Variants in DOP1B observed in about 807,000 individuals in gnomAD.
DOP1B encodes DOP1 leucine zipper like protein B.
A neutral mutation model predicts 233.5 loss-of-function variants in DOP1B; 174 were observed. The ratio of observed to expected loss-of-function variants is 0.75; its 90% CI spans 0.66 to 0.85. The LOEUF (loss-of-function observed/expected upper bound fraction) is 0.85. Ranked by LOEUF, DOP1B falls within the 40% of genes least tolerant of loss-of-function variation. The pLI is 0.00. For missense variants in DOP1B, 2,652 were observed against 2,846.6 expected, an observed-to-expected ratio of 0.93 and a Z score of 1.56; for synonymous variants, 1,190 against 1,185.6, an observed-to-expected ratio of 1.00 and a Z score of -0.08.
intron 2 of DOP1B, among the ~76,000 whole-genome samples, chr21:36,187,995 A>G (rs773988378): frequency 3.3e-5 from 5 of 152,116 alleles, no homozygotes; most frequent in Admixed American, 6.5e-5. Flanking sequence ...TGGTAATTTT[A>G]AGAAAATTTT....
chr21:36,183,941 G>A (rs1362159574), intron 2 of DOP1B, among the ~76,000 whole-genome samples: 1 of 151,324 alleles, frequency 6.6e-6, no homozygotes, highest in African/African-American at 2.4e-5. Flanking sequence ...TCAACTCACT[G>A]CAACCTCTGC....
Position 36,170,857 on chromosome 21 carries a change from C to G in DOP1B, c.138+5986C>G, listed in dbSNP as rs552419614. Among the ~76,000 whole-genome samples the G allele has an allele frequency of 2.6e-5, 4 of 151,692 alleles. No individual in the cohort carries two copies. The East Asian group carries it at 7.7e-4, about 29-fold the overall frequency. Reference sequence around the variant, plus strand: ...GAGTTGTTACCTGAGGATTCCCATCCCAAGGGTCTCCTCTTGGATCTCATT... The same window carrying G: ...GAGTTGTTACCTGAGGATTCCCATCGCAAGGGTCTCCTCTTGGATCTCATT... On this transcript the variant is annotated intron_variant, in intron 2 of 36. Coordinates refer to ENST00000691173, the MANE Select transcript of DOP1B (RefSeq NM_001320714.2).
intron 1 of DOP1B, among the ~76,000 whole-genome samples, chr21:36,162,062 A>G (rs1375193419): frequency 6.6e-6 from 1 of 152,202 alleles, no homozygotes; most frequent in Non-Finnish European, 1.5e-5. Context: ...GTTATAAGTG[A>G]CAGTAGTGTA....
intron 27 of DOP1B, among the ~76,000 whole-genome samples, chr21:36,275,834 C>A (rs2067343776): frequency 6.6e-6 from 1 of 152,108 alleles, no homozygotes. Flanking sequence ...TAGGTGAGTC[C>A]TTCCGAGGGA....
chr21:36,193,104 A>G (rs1278267314), intron 2 of DOP1B, among the ~76,000 whole-genome samples: 2 of 152,232 alleles, frequency 1.3e-5, no homozygotes, highest in Non-Finnish European at 2.9e-5. Flanking sequence ...GGGCATTAGC[A>G]ATTGTAAAGA....
Position 36,203,439 on chromosome 21 carries a change from G to T in DOP1B, c.491+2938G>T, listed in dbSNP as rs1049959973. ...CTTGGGTAGCCAGGTGTGGTGACAG[G>T]CACCTGTAATCCCAGCTATTTGGAA... On this transcript the variant is annotated intron_variant, in intron 4 of 36. Coordinates refer to ENST00000691173, the MANE Select transcript of DOP1B (RefSeq NM_001320714.2). Among the ~76,000 whole-genome samples, 14 of 152,234 alleles carry T rather than the reference G, an allele frequency of 9.2e-5. No homozygotes were observed. The East Asian group carries it at 1.9e-3, about 21-fold the overall frequency.
intron 23 of DOP1B, among the ~76,000 whole-genome samples, chr21:36,256,649 T>C (rs1383128864): frequency 6.6e-6 from 1 of 152,102 alleles, no homozygotes; most frequent in Non-Finnish European, 1.5e-5. Context: ...AGGAATGAAA[T>C]TCTGACACGT....
At chr21:36,202,776 G>A (rs2066383886) in intron 4 of DOP1B, among the ~76,000 whole-genome samples, 1 of 152,112 alleles carries the variant, frequency 6.6e-6, no homozygotes, top group African/African-American at 2.4e-5. Context: ...TAAGCCCAGC[G>A]CCAGGCCCTG....
intron 18 of DOP1B, among the ~76,000 whole-genome samples, chr21:36,241,693 CTT>C (rs58454212): frequency 0.37 from 38,719 of 105,966 alleles, 5,088 homozygotes; most frequent in Middle Eastern, 0.45. Context: ...TTCTTTCTTT[CTT>C]TTTTTTTTTT....
In DOP1B at chr21:36,165,432, A is replaced by G. The variant is rs936401588; in HGVS notation, c.138+561A>G. ...TGCATGTGTGTGCATACGTGTGTGC[A>G]TGTGTGTGTATGGGGTCAGATCTAG... On this transcript the variant is annotated intron_variant, in intron 2 of 36. Coordinates refer to ENST00000691173, the MANE Select transcript of DOP1B (RefSeq NM_001320714.2). Among the ~76,000 whole-genome samples the G allele has an allele frequency of 3.9e-5, 6 of 152,208 alleles. No individual in the cohort carries two copies. The East Asian group carries it at 5.8e-4, about 15-fold the overall frequency.
At chr21:36,213,961 T>G in intron 7 of DOP1B, 120 bp from the exon 8 acceptor site, 3 of 767,992 alleles carry the variant, frequency 3.9e-6, no homozygotes, top group East Asian at 2.6e-5. Flanking sequence ...CTGGATCTGA[T>G]TTTGGTTTTC....
chr21:36,250,409 G>A (rs1190486641), intron 21 of DOP1B, among the ~76,000 whole-genome samples: 1 of 152,196 alleles, frequency 6.6e-6, no homozygotes, highest in Non-Finnish European at 1.5e-5. Flanking sequence ...GTGTAATAAC[G>A]ATGTGAGCAG....
At chr21:36,180,595 T>C (rs200223334) in intron 2 of DOP1B, among the ~76,000 whole-genome samples, 4 of 27,768 alleles carry the variant, frequency 1.4e-4, no homozygotes, top group Admixed American at 4.2e-4. Flanking sequence ...AGAAAAAAAA[T>C]TGTGGCTGGG....
chr21:36,211,456 T>C lies in DOP1B; in HGVS notation c.682-97T>C, dbSNP rs780334395. The C allele has an allele frequency of 7.2e-6, 8 of 1,109,868 alleles. No homozygotes were observed. In the East Asian group the frequency reaches 1.4e-4, roughly 20 times the overall value. The allele number at this position is 1,109,868 out of a possible 1,614,324, so 68.8% of individuals were successfully genotyped here. On this transcript the variant is annotated intron_variant, in intron 5 of 36. Transcript: ENST00000691173. The stretch of plus-strand genomic sequence containing the variant: ...GCTGCTGGTTCTCTTCTGAGTGATA[T>C]AACGCAGGAGTTTCAAGATTCCCGG...
chr21:36,260,623 T>C, intron 23 of DOP1B, 54 bp from the exon 24 acceptor site: 1 of 1,609,514 alleles, frequency 6.2e-7, no homozygotes, highest in South Asian at 1.1e-5. Context: ...ATCTGAATTC[T>C]TTTAGCCTTA....
At chr21:36,172,827 T>C (rs1435553076) in intron 2 of DOP1B, among the ~76,000 whole-genome samples, 1 of 151,414 alleles carries the variant, frequency 6.6e-6, no homozygotes, top group East Asian at 2.0e-4. Flanking sequence ...TGAGTAAGAG[T>C]TGAGAGTTGG....
Position 36,246,520 on chromosome 21 carries a change from G to C in DOP1B, c.4540G>C (p.Gly1514Arg), listed in dbSNP as rs370428535. The C allele has an allele frequency of 6.2e-7, 1 of 1,614,116 alleles. No homozygotes were observed. The highest frequency in any genetic ancestry group is 1.1e-5 in the South Asian group (1 of 91,082). The change falls in exon 19 of 37, where the codon GGC becomes CGC. Residue 1514 changes from glycine (G) to arginine (R), a missense_variant. This residue lies in a region of DOP1B where 2,617 missense variants were observed against 2,794.3 expected (regional missense o/e 0.94). Transcript: ENST00000691173. The surrounding 1 kb of genome is among the most constrained non-coding windows in gnomAD (Gnocchi z 5.1). ...GGGTCTGCAGCCCGCCTACGGTTAC[G>C]GCATGCATCCGGCCTGGGTGAGCTT... ...VRGLQPAYGY[G>R]MHPAWVSLVT...
At position 36,166,884 on chromosome 21, in the gene DOP1B, G is replaced by T. The variant is rs140351799; in HGVS notation, c.138+2013G>T. Among the ~76,000 whole-genome samples the T allele has an allele frequency of 1.0e-3, 153 of 152,318 alleles. 2 individuals carry two copies. The highest frequency in any genetic ancestry group is 1.8e-3 in the Non-Finnish European group (121 of 68,026). On this transcript the variant is annotated intron_variant, in intron 2 of 36. Transcript: ENST00000691173. Reference sequence around the variant, plus strand: ...CAGTAAGCTGCTGGTCTTTTGCAAGGTATATTTACGACCTGTAAATGTCAC... The same window carrying T: ...CAGTAAGCTGCTGGTCTTTTGCAAGTTATATTTACGACCTGTAAATGTCAC...
chr21:36,290,797 CAAAAAAA>C (rs138791873), intron 35 of DOP1B, among the ~76,000 whole-genome samples: 1 of 129,906 alleles, frequency 7.7e-6, no homozygotes, highest in Admixed American at 8.0e-5. Flanking sequence ...GACTCCATCT[CAAAAAAA>C]AAAAAAAATA....
Sources: gnomAD v4.1 joint callset for allele counts (sites outside exome capture counted in the v4.1 genomes callset) on GRCh38, gnomAD v4.1.1 for gene constraint, gnomAD v4.1.1 regional missense constraint, Gnocchi (gnomAD v3.1) non-coding constraint, MANE v1.5 for transcripts, NCBI Gene and HGNC (gene_info 2026-07-23, HGNC 2026-07-21) for gene names.